Variants in LRRK1 observed in about 807,000 individuals in gnomAD.
The protein encoded by LRRK1 is leucine rich repeat kinase 1.
LRRK1 carries 113 observed loss-of-function variants against 209.1 expected under a neutral mutation model. The ratio of observed to expected loss-of-function variants is 0.54; its 90% CI spans 0.46 to 0.63. The LOEUF (loss-of-function observed/expected upper bound fraction) is 0.63. Ranked by LOEUF, LRRK1 falls within the 30% of genes least tolerant of loss-of-function variation. LRRK1 has a pLI of 0.00. For synonymous variants in LRRK1, 1,144 were observed against 1,099.7 expected, an observed-to-expected ratio of 1.04 and a Z score of -0.80; for missense variants, 2,284 against 2,632.2, an observed-to-expected ratio of 0.87 and a Z score of 2.89.
intron 6 of LRRK1, among the ~76,000 whole-genome samples, chr15:101,006,281 G>A (rs1322571852): frequency 1.3e-5 from 2 of 151,124 alleles, no homozygotes; most frequent in Admixed American, 6.6e-5. Context: ...CAGATTATGG[G>A]ATATTCTATA....
At chr15:101,012,215 T>G in intron 10 of LRRK1, 70 bp downstream of exon 10, 1 of 1,306,888 alleles carries the variant, frequency 7.7e-7, no homozygotes, top group Non-Finnish European at 1.1e-6. Flanking sequence ...TGCAGTGAAA[T>G]GTATGTGCTT....
chr15:100,973,123 AGTGACCGCCGCTTTTGCTGAACGG>A (rs1418461502), intron 2 of LRRK1, among the ~76,000 whole-genome samples: 6 of 152,186 alleles, frequency 3.9e-5, no homozygotes, highest in African/African-American at 1.2e-4. Context: ...CCGCCCCGTG[AGTGACCGCCGCTTTTGCTGAACGG>A]CCCGGGCGCT....
In LRRK1 at chr15:100,962,809, ATAT is replaced by A. The variant is rs1453597603; in HGVS notation, c.98-10994_98-10992del. Among the ~76,000 whole-genome samples, 8 of 26,346 alleles carry A rather than the reference ATAT, an allele frequency of 3.0e-4. 2 individuals carry two copies. The highest frequency in any genetic ancestry group is 6.1e-4 in the Non-Finnish European group (7 of 11,434). 17.3% of individuals were successfully genotyped at this position (26,346 alleles called of 152,430 possible). A position where few individuals can be genotyped will look rare whatever the true frequency, so the allele number is the denominator to read the frequency against. ...TTTCATTTTGCATATATATATATATATATATATATATATATTTTTTTTTTTTTT... is the reference window on the plus strand; with the variant it reads ...TTTCATTTTGCATATATATATATATAATATATATATATTTTTTTTTTTTTT... On this transcript the variant is annotated intron_variant, in intron 2 of 33. Transcript: ENST00000388948.
At chr15:101,034,481 A>G (rs1258735434) in intron 20 of LRRK1, among the ~76,000 whole-genome samples, 2 of 151,802 alleles carry the variant, frequency 1.3e-5, no homozygotes, top group Non-Finnish European at 2.9e-5. Flanking sequence ...TGGATATCCA[A>G]TTTTCCCAGC....
chr15:100,952,313 A>G (rs1162194816), intron 2 of LRRK1, among the ~76,000 whole-genome samples: 3 of 152,208 alleles, frequency 2.0e-5, no homozygotes, highest in African/African-American at 4.8e-5. Context: ...GAATTTTATG[A>G]TACGTGAATT....
chr15:100,993,181 G>A (rs1003088947), intron 6 of LRRK1, among the ~76,000 whole-genome samples: 8 of 152,328 alleles, frequency 5.3e-5, no homozygotes, highest in African/African-American at 1.9e-4. Flanking sequence ...AGCCTGGCAC[G>A]TAGCAAACGC....
In LRRK1 at chr15:101,027,519, G is replaced by T; in HGVS notation, c.2527-119G>T. On this transcript the variant is annotated intron_variant, in intron 18 of 33. Coordinates refer to ENST00000388948, the MANE Select transcript of LRRK1 (RefSeq NM_024652.6). This position sits in a 1 kb window ranked among gnomAD's most constrained non-coding sequence, Gnocchi z 5.1. Reference sequence around the variant, plus strand: ...TTCCTGGTGAGGGAGGGTCAGGATGGAAGATAGTGGGTGGAAACGTCCCAC... The same window carrying T: ...TTCCTGGTGAGGGAGGGTCAGGATGTAAGATAGTGGGTGGAAACGTCCCAC... 6.7e-7 allele frequency: 1 copy of T among 1,500,896 alleles called. No individual in the cohort carries two copies. Among genetic ancestry groups the T allele is most frequent in the Non-Finnish European group, 9.0e-7 (1 of 1,113,978 alleles). The allele number at this position is 1,500,896 out of a possible 1,614,324, so 93.0% of individuals were successfully genotyped here.
chr15:101,015,230 C>T (rs2033475404), intron 11 of LRRK1, 96 bp from the exon 12 acceptor site: 2 of 937,900 alleles, frequency 2.1e-6, no homozygotes, highest in South Asian at 3.0e-5. Context: ...ACATGAATTG[C>T]TCCCTATCTC....
At chr15:101,052,832 G>T in intron 24 of LRRK1, 90 bp from the exon 25 acceptor site, 4 of 1,443,696 alleles carry the variant, frequency 2.8e-6, no homozygotes, top group Middle Eastern at 2.0e-4. Context: ...TTTGAACCAT[G>T]ACTCTCGGCC....
chr15:101,063,477 T>TG lies in LRRK1; in HGVS notation c.4914+793dup, dbSNP rs1421785554. ...CCTCCTTTGAGAAGCTGCCCCTCAG[T>TG]GGGGGGCAGCTCCCTGGCTTTTCCG... On this transcript the variant is annotated intron_variant, in intron 31 of 33. Transcript: ENST00000388948. 5.9e-5 allele frequency among the ~76,000 whole-genome samples: 9 copies of TG among 152,254 alleles called. No individual in the cohort carries two copies. In the South Asian group the frequency reaches 1.5e-3, roughly 25 times the overall value.
In LRRK1 at chr15:101,022,614, G is replaced by A. The variant is rs374177935; in HGVS notation, c.2067+17G>A. 1.1e-4 allele frequency: 171 copies of A among 1,554,758 alleles called. No individual in the cohort carries two copies. The East Asian group carries it at 1.3e-3, about 12-fold the overall frequency. On this transcript the variant is annotated intron_variant, in intron 15 of 33. Transcript: ENST00000388948. This position sits in a 1 kb window ranked among gnomAD's most constrained non-coding sequence, Gnocchi z 4.0. ...AGAGCCAAGGTCAAGGATGGTCTGC[G>A]TGCAGAGTCCCTGTGGGTGGGAGGA...
Position 101,024,805 on chromosome 15 carries a change from T to A in LRRK1, c.2070T>A (p.Val690=). ...TCGCTGCCTTGTTGCTCAAGTAGGTTGAGTCCGTGGAGTTCAACGTCTGGG... is the reference window on the plus strand; with the variant it reads ...TCGCTGCCTTGTTGCTCAAGTAGGTAGAGTCCGTGGAGTTCAACGTCTGGG... The part of the protein sequence containing the change: ...LQRPAGSRAK[V]ESVEFNVWDI... The change falls in exon 16 of 34, where the codon GTT becomes GTA. Residue 690 remains valine, a splice_region_variant and synonymous_variant. Transcript: ENST00000388948. The surrounding 1 kb of genome is among the most constrained non-coding windows in gnomAD (Gnocchi z 4.6). The A allele has an allele frequency of 6.2e-7, 1 of 1,612,834 alleles. No individual in the cohort carries two copies. Among genetic ancestry groups the A allele is most frequent in the Non-Finnish European group, 8.5e-7 (1 of 1,178,988 alleles).
At chr15:101,055,473 T>C (rs2035744584) in intron 27 of LRRK1, among the ~76,000 whole-genome samples, 1 of 152,056 alleles carries the variant, frequency 6.6e-6, no homozygotes, top group Admixed American at 6.6e-5. Flanking sequence ...TTCAGTAACA[T>C]TGTAGAGGCT....
intron 2 of LRRK1, among the ~76,000 whole-genome samples, chr15:100,936,116 G>A (rs1489406658): frequency 6.6e-6 from 1 of 152,306 alleles, no homozygotes; most frequent in African/African-American, 2.4e-5. Flanking sequence ...ATACGGGTTA[G>A]GTGAGTGACG....
chr15:100,925,831 A>G (rs1045164821), intron 2 of LRRK1, among the ~76,000 whole-genome samples: 11 of 152,190 alleles, frequency 7.2e-5, no homozygotes, highest in African/African-American at 2.4e-4. Flanking sequence ...AAGGTCAACA[A>G]CTCAGAAATC....
In LRRK1 at chr15:101,029,231, A is replaced by G. The variant is rs768678229; in HGVS notation, c.2962A>G (p.Ser988Gly). ...GATCGCCCTGCCCGTCGCCAATGAC[A>G]GGTGAGGACACAACTTAACACGCCA... ...FEIALPVAND[S>G]YLLPHLLPSK... Residue 988 changes from serine to glycine, a missense_variant and splice_region_variant, in exon 20 of 34, where the codon AGC (serine) becomes GGC (glycine). Physicochemically the swap from Ser to Gly is moderately conservative, Grantham distance 56. Around this residue, in one of 6 missense-constraint regions of LRRK1, gnomAD observed 780 missense variants for 985.2 expected, o/e 0.79. Transcript: ENST00000388948. 6.2e-7 allele frequency: 1 copy of G among 1,609,002 alleles called. No homozygotes were observed. Among genetic ancestry groups the G allele is most frequent in the Non-Finnish European group, 8.5e-7 (1 of 1,176,378 alleles).
intron 7 of LRRK1, 145 bp from the exon 8 acceptor site, chr15:101,010,305 A>G: frequency 1.3e-6 from 1 of 797,182 alleles, no homozygotes; most frequent in Non-Finnish European, 2.0e-6. Context: ...TAAAAATCAT[A>G]TGCACTACAT....
intron 20 of LRRK1, among the ~76,000 whole-genome samples, chr15:101,042,154 C>A (rs1596310874): frequency 6.6e-6 from 1 of 152,232 alleles, no homozygotes; most frequent in East Asian, 1.9e-4. Context: ...GGTATAATCT[C>A]TTTTCATCCT....
chr15:101,007,362 C>G (rs540667046), intron 6 of LRRK1, among the ~76,000 whole-genome samples: 2 of 152,298 alleles, frequency 1.3e-5, no homozygotes, highest in Admixed American at 6.5e-5. Flanking sequence ...CCCCAGAAAC[C>G]TGATTGAGCC....
Sources: gnomAD v4.1 joint callset for allele counts (sites outside exome capture counted in the v4.1 genomes callset) on GRCh38, gnomAD v4.1.1 for gene constraint, gnomAD v4.1.1 regional missense constraint, Gnocchi (gnomAD v3.1) non-coding constraint, MANE v1.5 for transcripts, NCBI Gene and HGNC (gene_info 2026-07-23, HGNC 2026-07-21) for gene names.